SYNDIG1L: variants seen among roughly 807,000 people sequenced by gnomAD.
SYNDIG1L encodes synapse differentiation-inducing gene protein 1-like.
Under a neutral mutation model 20.1 loss-of-function variants are expected in SYNDIG1L, and 13 were observed. The ratio of observed to expected loss-of-function variants is 0.65; its 90% CI spans 0.42 to 1.03. The LOEUF (loss-of-function observed/expected upper bound fraction) is 1.03, where lower values mean the gene tolerates loss of function less well. Among genes scored for constraint, SYNDIG1L ranks in the 50% least tolerant of loss-of-function variants. The pLI, the probability that SYNDIG1L is intolerant of heterozygous loss-of-function variation, is 0.00. For synonymous variants in SYNDIG1L, 128 were observed against 129.3 expected (o/e 0.99, Z 0.07); for missense variants, 294 against 305.1 (o/e 0.96, Z 0.27).
chr14:74,476,232 A>G, the SYNDIG1L span: 1 of 593,662 alleles, frequency 1.7e-6, no homozygotes, highest in Admixed American at 3.0e-5. Flanking sequence ...CAGCGCTGAG[A>G]ACAGTCTGCT....
At chr14:74,432,908 C>T in the SYNDIG1L span, among the ~76,000 whole-genome samples, 3 of 151,716 alleles carry the variant, frequency 2.0e-5, no homozygotes, top group South Asian at 4.2e-4. Context: ...TTTTTGAGCT[C>T]CTGCCATGTG....
Position 74,409,504 on chromosome 14 carries a change from C to T in SYNDIG1L, c.241G>A (p.Glu81Lys), listed in dbSNP as rs916095759. ...SCLLGRDKVK[E>K]PRAGSCETSF... ...GTCTCACAGCTGCCTGCCCTGGGCTCCTTGACCTTGTCTCTCCCCAGGAGG... is the reference window on the plus strand; with the variant it reads ...GTCTCACAGCTGCCTGCCCTGGGCTTCTTGACCTTGTCTCTCCCCAGGAGG... Residue 81 changes from glutamate to lysine, a missense_variant, in exon 2 of 4, where the codon GAG becomes AAG. By Grantham distance (56) the Glu-to-Lys change is moderately conservative. Coordinates refer to ENST00000331628, the MANE Select transcript of SYNDIG1L (RefSeq NM_001105579.2). 1 of 1,609,830 alleles carries T rather than the reference C, an allele frequency of 6.2e-7. No individual in the cohort carries two copies. Among genetic ancestry groups the T allele is most frequent in the East Asian group, 2.2e-5 (1 of 44,792 alleles).
the SYNDIG1L span, chr14:74,474,034 T>C: frequency 6.6e-6 from 1 of 152,210 alleles, no homozygotes; most frequent in African/African-American, 2.4e-5. Flanking sequence ...GCCAATGGGA[T>C]CTAAGTAGGA....
the SYNDIG1L span, among the ~76,000 whole-genome samples, chr14:74,463,785 G>T: frequency 0.035 from 5,336 of 152,288 alleles, 335 homozygotes; most frequent in African/African-American, 0.12. Flanking sequence ...TTTTAGTCAT[G>T]ACAGAAATGA....
At chr14:74,420,206 G>A (rs1490251848) in intron 1 of SYNDIG1L, among the ~76,000 whole-genome samples, 1 of 151,660 alleles carries the variant, frequency 6.6e-6, no homozygotes, top group Non-Finnish European at 1.5e-5. Flanking sequence ...AGACCAGCCT[G>A]GCCAACATGG....
At chr14:74,473,221 A>C in the SYNDIG1L span, among the ~76,000 whole-genome samples, 1 of 152,004 alleles carries the variant, frequency 6.6e-6, no homozygotes, top group African/African-American at 2.4e-5. Context: ...CCCCGTCTCT[A>C]CTGAAAGGCA....
the SYNDIG1L span, among the ~76,000 whole-genome samples, chr14:74,449,463 A>AAAAAAAAAAAAAAC: frequency 6.9e-6 from 1 of 145,584 alleles, no homozygotes; most frequent in Non-Finnish European, 1.5e-5. Context: ...AAAAAAAAAA[A>AAAAAAAAAAAAAAC]AAGCCAGGCA....
At chr14:74,453,256 G>A in the SYNDIG1L span, among the ~76,000 whole-genome samples, 2 of 150,080 alleles carry the variant, frequency 1.3e-5, no homozygotes, top group Admixed American at 1.3e-4. Context: ...CTGAAGCTGA[G>A]GTAGGAGAAT....
At chr14:74,413,082 A>C (rs1163160810) in intron 1 of SYNDIG1L, among the ~76,000 whole-genome samples, 1 of 152,206 alleles carries the variant, frequency 6.6e-6, no homozygotes, top group Non-Finnish European at 1.5e-5. Flanking sequence ...CCTGAAGACC[A>C]TAGGGGCATT....
At chr14:74,439,879 CA>C in the SYNDIG1L span, among the ~76,000 whole-genome samples, 1,058 of 101,796 alleles carry the variant, frequency 0.01, 6 homozygotes, top group East Asian at 0.023. Flanking sequence ...AACTCCATCT[CA>C]AAAAAAAAAA....
intron 1 of SYNDIG1L, among the ~76,000 whole-genome samples, chr14:74,423,963 G>T (rs1005408519): frequency 1.3e-5 from 2 of 152,098 alleles, no homozygotes; most frequent in African/African-American, 2.4e-5. Flanking sequence ...CAGTCATTCT[G>T]AGTCACACTT....
chr14:74,468,650 T>C, the SYNDIG1L span, among the ~76,000 whole-genome samples: 2 of 152,154 alleles, frequency 1.3e-5, no homozygotes, highest in Non-Finnish European at 2.9e-5. Context: ...CCTGCTGCTG[T>C]GTGCTCAGGT....
the SYNDIG1L span, among the ~76,000 whole-genome samples, chr14:74,436,141 T>C: frequency 6.6e-6 from 1 of 152,094 alleles, no homozygotes; most frequent in Non-Finnish European, 1.5e-5. Context: ...AATACATATA[T>C]GTACAAAGAG....
the SYNDIG1L span, among the ~76,000 whole-genome samples, chr14:74,460,357 TCCC>T: frequency 6.6e-6 from 1 of 151,654 alleles, no homozygotes; most frequent in African/African-American, 2.4e-5. Flanking sequence ...TGATGTCACA[TCCC>T]CAGGGACCCC....
the SYNDIG1L span, among the ~76,000 whole-genome samples, chr14:74,465,474 G>A: frequency 6.8e-4 from 103 of 152,182 alleles, 7 homozygotes; most frequent in Non-Finnish European, 3.8e-4. Flanking sequence ...AGATCTAGGT[G>A]TTTCTCCTCC....
chr14:74,406,583 C>T lies in SYNDIG1L; in HGVS notation c.*952G>A, dbSNP rs1272605952. On this transcript the variant is annotated 3_prime_UTR_variant, in exon 4 of 4. Coordinates refer to ENST00000331628, the MANE Select transcript of SYNDIG1L (RefSeq NM_001105579.2). ...AGCAGGCCATTCCTTCCCTGAGTCC[C>T]TTCCCTCATCTATACTCACTACTCC... 6.6e-6 allele frequency: 1 copy of T among 152,520 alleles called. No homozygotes were observed. The highest frequency in any genetic ancestry group is 1.5e-5 in the Non-Finnish European group (1 of 68,310). The allele number at this position is 152,520 out of a possible 1,614,324, so 9.4% of individuals were successfully genotyped here. A position where few individuals can be genotyped will look rare whatever the true frequency, so the allele number is the denominator to read the frequency against.
the SYNDIG1L span, among the ~76,000 whole-genome samples, chr14:74,465,608 T>G: frequency 1.3e-5 from 2 of 152,070 alleles, no homozygotes; most frequent in Non-Finnish European, 1.5e-5. Flanking sequence ...GATAGGTGGG[T>G]GGGTGATGGG....
chr14:74,463,533 A>G, the SYNDIG1L span, among the ~76,000 whole-genome samples: 1 of 152,074 alleles, frequency 6.6e-6, no homozygotes, highest in East Asian at 1.9e-4. Flanking sequence ...TCAGATCAGC[A>G]CTTTGAGGCT....
intron 1 of SYNDIG1L, among the ~76,000 whole-genome samples, chr14:74,423,884 G>C (rs1045645853): frequency 1.3e-5 from 2 of 152,058 alleles, no homozygotes; most frequent in African/African-American, 2.4e-5. Flanking sequence ...TGGTGGTGGT[G>C]GTGGTGGCAG....
Sources: allele counts gnomAD v4.1 joint callset (sites outside exome capture counted in the v4.1 genomes callset), GRCh38; gene constraint gnomAD v4.1.1; transcripts MANE v1.5; gene names NCBI Gene and HGNC (gene_info 2026-07-23, HGNC 2026-07-21).